LRFN5: variants seen among roughly 807,000 people sequenced by gnomAD.
The protein encoded by LRFN5 is leucine rich repeat and fibronectin type III domain containing 5.
LRFN5 carries 24 observed loss-of-function variants against 45.6 expected under a neutral mutation model. The ratio of observed to expected loss-of-function variants is 0.53; its 90% confidence interval spans 0.38 to 0.74. LRFN5 has a LOEUF of 0.74. LRFN5 is among the 30% of genes least tolerant of loss of function. LRFN5 has a pLI of 0.00. For synonymous variants in LRFN5, 340 were observed against 313.8 expected (o/e 1.08, Z -0.88); for missense variants, 776 against 861.5 (o/e 0.90, Z 1.24).
chr14:41,653,559 A>G (rs894115902), intron 1 of LRFN5, among the ~76,000 whole-genome samples: 4 of 152,186 alleles, frequency 2.6e-5, no homozygotes, highest in East Asian at 1.9e-4. Flanking sequence ...TGAAGCAAAC[A>G]AAGTATGTAG....
In LRFN5 at chr14:41,749,045, A is replaced by G. The variant is rs1408609645; in HGVS notation, c.-196-17809A>G. On this transcript the variant is annotated intron_variant, in intron 1 of 5. Transcript: ENST00000298119. ...ACACCAGACAGAGAATAATTGGCAA[A>G]CTCATATGTTTTATAATGAACTCAC... Among the ~76,000 whole-genome samples, 6 of 152,070 alleles carry G rather than the reference A, an allele frequency of 3.9e-5. No homozygotes were observed. In the East Asian group the frequency reaches 5.8e-4, roughly 15 times the overall value.
At chr14:41,854,734 G>T (rs2139083306) in intron 2 of LRFN5, among the ~76,000 whole-genome samples, 1 of 152,274 alleles carries the variant, frequency 6.6e-6, no homozygotes, top group East Asian at 1.9e-4. Context: ...TGCATGTGAA[G>T]ATGAGGAGCT....
At chr14:41,805,356 C>G (rs969006402) in intron 2 of LRFN5, among the ~76,000 whole-genome samples, 2 of 150,308 alleles carry the variant, frequency 1.3e-5, no homozygotes, top group African/African-American at 4.9e-5. Flanking sequence ...GAAGTTCTCA[C>G]AAAACTCCTC....
chr14:41,762,956 G>A (rs1885731008), intron 1 of LRFN5, among the ~76,000 whole-genome samples: 1 of 151,982 alleles, frequency 6.6e-6, no homozygotes, highest in Non-Finnish European at 1.5e-5. Flanking sequence ...GGAATTCTAG[G>A]GAGAAATGAT....
intron 1 of LRFN5, among the ~76,000 whole-genome samples, chr14:41,665,976 T>G (rs1880880415): frequency 6.6e-6 from 1 of 152,030 alleles, no homozygotes; most frequent in African/African-American, 2.4e-5. Flanking sequence ...GTATTTCGTG[T>G]ATTAAATAGT....
intron 2 of LRFN5, among the ~76,000 whole-genome samples, chr14:41,809,477 T>C (rs1015463085): frequency 1.3e-5 from 2 of 151,994 alleles, no homozygotes; most frequent in Admixed American, 1.3e-4. Context: ...TTTCTCCAAG[T>C]GACAGAGCTA....
intron 1 of LRFN5, among the ~76,000 whole-genome samples, chr14:41,671,630 T>TTTTTGTTTTTG (rs1881235606): frequency 7.0e-6 from 1 of 142,454 alleles, no homozygotes; most frequent in African/African-American, 2.7e-5. Context: ...TTTTTTTTTT[T>TTTTTGTTTTTG]TTTTTTTACG....
chr14:41,690,782 C>T (rs779006870), intron 1 of LRFN5, among the ~76,000 whole-genome samples: 7 of 151,970 alleles, frequency 4.6e-5, no homozygotes, highest in Non-Finnish European at 7.4e-5. Context: ...AGATTATAAC[C>T]GGAGCAATTT....
intron 5 of LRFN5, among the ~76,000 whole-genome samples, chr14:41,900,795 G>A (rs1891079115): frequency 6.6e-6 from 1 of 152,126 alleles, no homozygotes; most frequent in African/African-American, 2.4e-5. Flanking sequence ...ACTGTGAGAA[G>A]ACCAAACAGT....
intron 1 of LRFN5, among the ~76,000 whole-genome samples, chr14:41,734,035 T>C (rs1049048361): frequency 3.9e-4 from 57 of 145,534 alleles, no homozygotes; most frequent in Non-Finnish European, 4.8e-4. Flanking sequence ...TTTTCTTTTT[T>C]TTTTTTTGTG....
At chr14:41,796,020 T>C (rs1306757715) in intron 2 of LRFN5, among the ~76,000 whole-genome samples, 3 of 152,034 alleles carry the variant, frequency 2.0e-5, no homozygotes, top group Non-Finnish European at 4.4e-5. Context: ...TTACAAATAA[T>C]ACATAATTTT....
intron 2 of LRFN5, among the ~76,000 whole-genome samples, chr14:41,812,195 G>C (rs1887759927): frequency 6.6e-6 from 1 of 151,930 alleles, no homozygotes; most frequent in African/African-American, 2.4e-5. Flanking sequence ...ATATGTACTT[G>C]TATATATTCC....
chr14:41,612,642 G>A (rs1230994432), intron 1 of LRFN5, among the ~76,000 whole-genome samples: 2 of 152,080 alleles, frequency 1.3e-5, no homozygotes, highest in African/African-American at 4.8e-5. Context: ...TCTGGTTGCA[G>A]AGCCCACATT....
rs80011673 is a variant in LRFN5, at chr14:41,829,535, A to G, written c.-20-57071A>G. Among the ~76,000 whole-genome samples the G allele has an allele frequency of 5.8e-3, 878 of 152,064 alleles. 11 individuals carry two copies. Among genetic ancestry groups the G allele is most frequent in the Non-Finnish European group, 8.6e-3 (582 of 67,854 alleles). ...TTGAATGAGGTAAATTATAAACCAT[A>G]TTATCCAGGTCTATTAATGGTTGTG... On this transcript the variant is annotated intron_variant, in intron 2 of 5. Transcript: ENST00000298119.
chr14:41,701,388 A>G (rs981768990), intron 1 of LRFN5: 3 of 152,116 alleles, frequency 2.0e-5, no homozygotes, highest in African/African-American at 4.8e-5. Flanking sequence ...TAAACTGTCA[A>G]TTTCTTACTG....
At chr14:41,741,804 G>A (rs1328452439) in intron 1 of LRFN5, among the ~76,000 whole-genome samples, 3 of 148,290 alleles carry the variant, frequency 2.0e-5, no homozygotes, top group African/African-American at 7.4e-5. Flanking sequence ...CATATGGTAA[G>A]GGGCTAAAAT....
chr14:41,613,150 G>C (rs930730109), intron 1 of LRFN5, among the ~76,000 whole-genome samples: 9 of 152,040 alleles, frequency 5.9e-5, no homozygotes, highest in Admixed American at 3.9e-4. Context: ...AACTACATTT[G>C]TAATATTTCT....
At chr14:41,735,273 T>C (rs1884375106) in intron 1 of LRFN5, among the ~76,000 whole-genome samples, 1 of 149,912 alleles carries the variant, frequency 6.7e-6, no homozygotes, top group South Asian at 2.1e-4. Context: ...TATTTTTATT[T>C]TATATATTTT....
intron 2 of LRFN5, among the ~76,000 whole-genome samples, chr14:41,815,884 T>C (rs2139001592): frequency 6.6e-6 from 1 of 152,332 alleles, no homozygotes; most frequent in Admixed American, 6.5e-5. Flanking sequence ...AGATCATTGA[T>C]GTCCAGTGTG....
Sources: gnomAD v4.1 joint callset for allele counts (sites outside exome capture counted in the v4.1 genomes callset) on GRCh38, gnomAD v4.1.1 for gene constraint, MANE v1.5 for transcripts, NCBI Gene and HGNC (gene_info 2026-07-23, HGNC 2026-07-21) for gene names.